The following MYT1 variants were observed in gnomAD, a reference collection of about 807,000 sequenced individuals.
MYT1 encodes the protein myelin transcription factor 1.
A neutral mutation model predicts 123.0 loss-of-function variants in MYT1; 23 were observed. That is an observed-to-expected ratio of 0.19 (90% CI 0.13 to 0.26). The LOEUF (loss-of-function observed/expected upper bound fraction) is 0.26, where lower values mean the gene tolerates loss of function less well. Among genes scored for constraint, MYT1 ranks in the 10% least tolerant of loss-of-function variants. MYT1 has a pLI of 1.00. For missense variants in MYT1, 1,125 were observed against 1,472.5 expected (o/e 0.76, Z 3.86); for synonymous variants, 518 against 575.3 (o/e 0.90, Z 1.43).
At chr20:64,188,108 G>C (rs1390686797) in intron 1 of MYT1, among the ~76,000 whole-genome samples, 1 of 152,208 alleles carries the variant, frequency 6.6e-6, no homozygotes, top group African/African-American at 2.4e-5. Flanking sequence ...CCACAGGGCT[G>C]TATTTCCAGA....
chr20:64,165,802 AGGTC>A (rs1264109052), intron 1 of MYT1, among the ~76,000 whole-genome samples: 1 of 150,670 alleles, frequency 6.6e-6, no homozygotes, highest in Non-Finnish European at 1.5e-5. Context: ...CTTTTGGGAG[AGGTC>A]GGTGGAGAAT....
intron 1 of MYT1, among the ~76,000 whole-genome samples, chr20:64,182,999 A>G (rs1982696773): frequency 6.6e-6 from 1 of 152,174 alleles, no homozygotes; most frequent in African/African-American, 2.4e-5. Context: ...GACCGTTTTG[A>G]TCACCCCAGA....
At chr20:64,211,430 G>C in intron 8 of MYT1, 90 bp downstream of exon 8, 4 of 1,326,008 alleles carry the variant, frequency 3.0e-6, no homozygotes, top group Non-Finnish European at 4.2e-6. Flanking sequence ...GGCGTGGCCT[G>C]CCCAGGGCCA....
In MYT1 at chr20:64,196,284, T is replaced by C. The variant is rs965614505; in HGVS notation, c.1-2578T>C. Among the ~76,000 whole-genome samples the C allele has an allele frequency of 5.9e-5, 9 of 152,220 alleles. No homozygotes were observed. Among genetic ancestry groups the C allele is most frequent in the African/African-American group, 1.9e-4 (8 of 41,454 alleles). ...GGGCAGAAGGTCTGGGGGGCTGCCG[T>C]CCAGGGATCACCAAGGTGAGCCTGG... On this transcript the variant is annotated intron_variant, in intron 2 of 22. Coordinates refer to ENST00000328439, the MANE Select transcript of MYT1 (RefSeq NM_004535.3). The surrounding 1 kb of genome is among the most constrained non-coding windows in gnomAD (Gnocchi z 4.3).
chr20:64,238,622 C>G (rs1238641148), intron 21 of MYT1, among the ~76,000 whole-genome samples: 3 of 152,254 alleles, frequency 2.0e-5, no homozygotes, highest in Non-Finnish European at 4.4e-5. Context: ...AGTGATGGCC[C>G]TCCCGGCGGA....
chr20:64,226,018 C>T (rs535355698), intron 16 of MYT1, among the ~76,000 whole-genome samples: 24 of 152,334 alleles, frequency 1.6e-4, no homozygotes, highest in African/African-American at 5.8e-4. Context: ...GGGTCTGTCA[C>T]TCTGGCCACC....
chr20:64,239,934 A>C (rs1353880374), intron 22 of MYT1, 31 bp downstream of exon 22: 5 of 1,606,796 alleles, frequency 3.1e-6, no homozygotes, highest in Admixed American at 1.7e-5. Flanking sequence ...CCGGCACCAC[A>C]GCTACCCCCC....
chr20:64,234,764 G>A lies in MYT1; in HGVS notation c.2898-1791G>A, dbSNP rs560931392. 4.4e-4 allele frequency among the ~76,000 whole-genome samples: 64 copies of A among 145,942 alleles called. No homozygotes were observed. The Middle Eastern group carries it at 0.012, about 27-fold the overall frequency. ...CGTGGTATGTGACCCGGGGCTGGCC[G>A]TGGTATGTGACCCTGGGATGGTCAT... On this transcript the variant is annotated intron_variant, in intron 19 of 22. Coordinates refer to ENST00000328439, the MANE Select transcript of MYT1 (RefSeq NM_004535.3).
At chr20:64,216,745 GC>G (rs1983849675) in intron 10 of MYT1, among the ~76,000 whole-genome samples, 1 of 152,218 alleles carries the variant, frequency 6.6e-6, no homozygotes, top group South Asian at 2.1e-4. Flanking sequence ...TTTGAAACCT[GC>G]TCTCCTAAGT....
Position 64,232,125 on chromosome 20 carries a change from C to A in MYT1, c.2676-39C>A, listed in dbSNP as rs752439138. The A allele has an allele frequency of 3.7e-6, 6 of 1,600,276 alleles. No homozygotes were observed. The highest frequency in any genetic ancestry group is 4.3e-6 in the Non-Finnish European group (5 of 1,170,368). On this transcript the variant is annotated intron_variant, in intron 18 of 22. Transcript: ENST00000328439. This position sits in a 1 kb window ranked among gnomAD's most constrained non-coding sequence, Gnocchi z 6.9. ...GAGTCTCCAGGCTTCTCCTCCCAAC[C>A]CTTCGCCCCTGTACTCACCCCGGCC...
rs552294642 is a variant in MYT1 at position 64,189,236 on chromosome 20, C to G, written c.-98-827C>G. 2.0e-5 allele frequency among the ~76,000 whole-genome samples: 3 copies of G among 152,232 alleles called. No homozygotes were observed. Among genetic ancestry groups the G allele is most frequent in the South Asian group, 2.1e-4 (1 of 4,836 alleles). ...TCCAAGGCAAAGCCAGGGCCCAACACGAGAATATTCATTTCCTGTTTCATT... is the reference window on the plus strand; with the variant it reads ...TCCAAGGCAAAGCCAGGGCCCAACAGGAGAATATTCATTTCCTGTTTCATT... On this transcript the variant is annotated intron_variant, in intron 1 of 22. Transcript: ENST00000328439. The surrounding 1 kb of genome is among the most constrained non-coding windows in gnomAD (Gnocchi z 5.5).
At chr20:64,201,081 C>T (rs778322094) in intron 4 of MYT1, among the ~76,000 whole-genome samples, 4 of 152,192 alleles carry the variant, frequency 2.6e-5, no homozygotes, top group Non-Finnish European at 5.9e-5. Flanking sequence ...GAGACAAAGA[C>T]GGAGGAGAAT....
At position 64,179,505 on chromosome 20, in the gene MYT1, C is replaced by T. The variant is rs189716680; in HGVS notation, c.-98-10558C>T. Among the ~76,000 whole-genome samples the T allele has an allele frequency of 4.6e-5, 7 of 152,296 alleles. No homozygotes were observed. In the East Asian group the frequency reaches 1.4e-3, roughly 29 times the overall value. On this transcript the variant is annotated intron_variant, in intron 1 of 22. Transcript: ENST00000328439. ...TTGAAACTATGGAAATATCTCCATC[C>T]TCAACAAACCATCACTTAACTTTGA...
chr20:64,227,756 C>T (rs1194197353), intron 17 of MYT1, 132 bp from the exon 18 acceptor site: 3 of 825,352 alleles, frequency 3.6e-6, no homozygotes, highest in Non-Finnish European at 5.6e-6. Flanking sequence ...TTACAACTGA[C>T]CCATCGGTTG....
chr20:64,236,363 CGGTGGGTGACCCTGGGATGGCCGT>C (rs1984543752), intron 19 of MYT1, among the ~76,000 whole-genome samples, 168 bp from the exon 20 acceptor site: 14 of 75,054 alleles, frequency 1.9e-4, no homozygotes, highest in East Asian at 8.2e-4. Flanking sequence ...GGGATGGCCG[CGGTGGGTGACCCTGGGATGGCCGT>C]GGTGGGTGAC....
Position 64,190,578 on chromosome 20 carries a change from C to T in MYT1, c.-1+418C>T, listed in dbSNP as rs1483852073. 6.9e-6 allele frequency among the ~76,000 whole-genome samples: 1 copy of T among 145,588 alleles called. No homozygotes were observed. Among genetic ancestry groups the T allele is most frequent in the Non-Finnish European group, 1.5e-5 (1 of 67,254 alleles). ...AATCCCAGCTATTTGGGGGAGGATC[C>T]CAGCTAAGGTGGGAGGATCACTTGA... On this transcript the variant is annotated intron_variant, in intron 2 of 22. Transcript: ENST00000328439. This position sits in a 1 kb window ranked among gnomAD's most constrained non-coding sequence, Gnocchi z 4.1.
chr20:64,208,450 G>A lies in MYT1; in HGVS notation c.1254G>A (p.Lys418=), dbSNP rs1205044650. 1.2e-6 allele frequency: 2 copies of A among 1,612,404 alleles called. No homozygotes were observed. The highest frequency in any genetic ancestry group is 1.1e-5 in the South Asian group (1 of 90,978). The part of the protein sequence containing the change: ...LGLGEPGKAA[K]PLDTVRKSYY... ...TGGGAGAGCCAGGGAAGGCAGCAAA[G>A]CCCCTGGACACTGTGCGGAAGAGTT... The change falls in exon 7 of 23, where the codon AAG becomes AAA. Residue 418 remains lysine (K), a synonymous_variant. Coordinates refer to ENST00000328439, the MANE Select transcript of MYT1 (RefSeq NM_004535.3). This position sits in a 1 kb window ranked among gnomAD's most constrained non-coding sequence, Gnocchi z 5.4.
Position 64,212,184 on chromosome 20 carries a change from GTGGTGGGGGCC to G in MYT1, c.1517+47_1517+57del. 1 of 655,634 alleles carries G rather than the reference GTGGTGGGGGCC, an allele frequency of 1.5e-6. No homozygotes were observed. The highest frequency in any genetic ancestry group is 2.4e-6 in the Non-Finnish European group (1 of 420,914). The allele number at this position is 655,634 out of a possible 1,614,324, so 40.6% of individuals were successfully genotyped here. On this transcript the variant is annotated intron_variant, in intron 9 of 22. Transcript: ENST00000328439. The surrounding 1 kb of genome is among the most constrained non-coding windows in gnomAD (Gnocchi z 6.8). ...CGTAGTGGGGGCCAGGGTGGGGGCC[GTGGTGGGGGCC>G]AGGGTGGGGGCCGTGGTGGGGGCCA...
rs73626454 is a variant in MYT1 at position 64,212,033 on chromosome 20, C to A, written c.1427-15C>A. 6.8e-6 allele frequency: 11 copies of A among 1,609,872 alleles called. No individual in the cohort carries two copies. The East Asian group carries it at 1.1e-4, about 16-fold the overall frequency. ...CTGACAGCCTCGGCTCCCTCCACCC[C>A]CTGTTCTCTTACAGTCTTAGCCATG... On this transcript the variant is annotated splice_polypyrimidine_tract_variant and intron_variant, in intron 8 of 22. Coordinates refer to ENST00000328439, the MANE Select transcript of MYT1 (RefSeq NM_004535.3). This position sits in a 1 kb window ranked among gnomAD's most constrained non-coding sequence, Gnocchi z 6.8.
Sources: allele counts gnomAD v4.1 joint callset (sites outside exome capture counted in the v4.1 genomes callset), GRCh38; gene constraint gnomAD v4.1.1; non-coding constraint Gnocchi (gnomAD v3.1); transcripts MANE v1.5; gene names NCBI Gene and HGNC (gene_info 2026-07-23, HGNC 2026-07-21).